SRGAP2: variants seen among roughly 807,000 people sequenced by gnomAD.
SRGAP2 encodes SLIT-ROBO Rho GTPase-activating protein 2.
In SRGAP2, 15 loss-of-function variants were observed where a neutral mutation model predicts 57.2. The ratio of observed to expected loss-of-function variants is 0.26; its 90% CI spans 0.18 to 0.40. SRGAP2 has a LOEUF of 0.40. Ranked by LOEUF, SRGAP2 falls within the 10% of genes least tolerant of loss-of-function variation. The pLI is 1.00. For missense variants in SRGAP2, 520 were observed against 669.6 expected (o/e 0.78, Z 2.47); for synonymous variants, 249 against 248.0 (o/e 1.00, Z -0.04).
At chr1:206,428,167 A>G (rs900179617) in intron 13 of SRGAP2, among the ~76,000 whole-genome samples, 2 of 152,182 alleles carry the variant, frequency 1.3e-5, no homozygotes, top group African/African-American at 2.4e-5. Context: ...CTGTAATCGC[A>G]GCACTTTGGG....
intron 3 of SRGAP2, among the ~76,000 whole-genome samples, chr1:206,314,110 T>G (rs1246197864): frequency 8.6e-5 from 13 of 150,414 alleles, no homozygotes; most frequent in African/African-American, 2.7e-4. Context: ...TTTTTGTTTT[T>G]TTTTTTTTGT....
At chr1:206,397,607 G>A (rs1423621554) in intron 7 of SRGAP2, among the ~76,000 whole-genome samples, 2 of 145,106 alleles carry the variant, frequency 1.4e-5, no homozygotes, top group Non-Finnish European at 3.0e-5. Context: ...AGGAATCCAC[G>A]TGAGGCATCT....
intron 2 of SRGAP2, among the ~76,000 whole-genome samples, chr1:206,276,963 CTCTT>C (rs1670448418): frequency 6.7e-6 from 1 of 149,630 alleles, no homozygotes; most frequent in African/African-American, 2.5e-5. Flanking sequence ...TCATCTATCA[CTCTT>C]TTTTTTTTTT....
At chr1:206,452,070 T>C (rs1553376156) in intron 19 of SRGAP2, among the ~76,000 whole-genome samples, 1 of 152,210 alleles carries the variant, frequency 6.6e-6, no homozygotes, top group Non-Finnish European at 1.5e-5. Context: ...ACGAAGATAA[T>C]GATAACAATA....
chr1:206,203,756 C>G (rs575824254), intron 1 of SRGAP2, 106 bp downstream of exon 1: 136 of 1,463,542 alleles, frequency 9.3e-5, no homozygotes, highest in Non-Finnish European at 1.1e-4. Flanking sequence ...GGATGCTGCT[C>G]GCGGCATCGC....
At chr1:206,395,032 G>A (rs1313025622) in intron 7 of SRGAP2, among the ~76,000 whole-genome samples, 4 of 147,288 alleles carry the variant, frequency 2.7e-5, no homozygotes, top group African/African-American at 2.5e-5. Context: ...ACTCTGGCCC[G>A]ACCACTCTTG....
Position 206,303,491 on chromosome 1 carries a change from A to G in SRGAP2, c.260+18A>G, listed in dbSNP as rs1671990590. 5 of 1,415,132 alleles carry G rather than the reference A, an allele frequency of 3.5e-6. No individual in the cohort carries two copies. In the Admixed American group the frequency reaches 1.1e-4, roughly 32 times the overall value. 87.7% of individuals were successfully genotyped at this position (1,415,132 alleles called of 1,614,324 possible). On this transcript the variant is annotated intron_variant, in intron 3 of 22. Coordinates refer to ENST00000573034, the MANE Select transcript of SRGAP2 (RefSeq NM_015326.5). ...CAATTCAAGTAGGGGCTCTGTGGCT[A>G]TTACTCTCTGAGACCTTGGAATATG... is the stretch of plus-strand genomic sequence containing the variant.
chr1:206,382,678 C>T lies in SRGAP2; in HGVS notation c.424-1336C>T, dbSNP rs549996830. Among the ~76,000 whole-genome samples the T allele has an allele frequency of 3.0e-4, 45 of 151,480 alleles. No homozygotes were observed. In the East Asian group the frequency reaches 8.7e-3, roughly 29 times the overall value. ...AATAAACATACATTACTTTTGTAATCAGAAAAAAAAGTATTTTTTAAGTAG... is the reference window on the plus strand; with the variant it reads ...AATAAACATACATTACTTTTGTAATTAGAAAAAAAAGTATTTTTTAAGTAG... On this transcript the variant is annotated intron_variant, in intron 4 of 22. Transcript: ENST00000573034.
At chr1:206,389,730 T>G (rs1287696473) in intron 5 of SRGAP2, among the ~76,000 whole-genome samples, 2 of 151,472 alleles carry the variant, frequency 1.3e-5, no homozygotes, top group Non-Finnish European at 2.9e-5. Context: ...TATTTTAGTG[T>G]GGCTGTCAGA....
At chr1:206,268,073 A>G (rs1245857972) in intron 2 of SRGAP2, among the ~76,000 whole-genome samples, 2 of 143,014 alleles carry the variant, frequency 1.4e-5, no homozygotes, top group Non-Finnish European at 3.0e-5. Context: ...CATGGACTAT[A>G]TATATATATT....
chr1:206,459,309 A>G (rs1664078099), intron 22 of SRGAP2, among the ~76,000 whole-genome samples: 1 of 151,576 alleles, frequency 6.6e-6, no homozygotes, highest in Non-Finnish European at 1.5e-5. Context: ...GTTGAGGATC[A>G]GGTGTAATCC....
intron 2 of SRGAP2, among the ~76,000 whole-genome samples, chr1:206,253,920 T>C (rs1157066270): frequency 6.9e-6 from 1 of 145,622 alleles, no homozygotes; most frequent in Non-Finnish European, 1.5e-5. Flanking sequence ...TCTGAGCTAA[T>C]TATGACTGCA....
At chr1:206,347,123 C>T (rs1171877150) in intron 4 of SRGAP2, among the ~76,000 whole-genome samples, 2 of 147,976 alleles carry the variant, frequency 1.4e-5, no homozygotes, top group African/African-American at 5.0e-5. Flanking sequence ...TGGTGGTACA[C>T]ACCTGTAGGC....
intron 10 of SRGAP2, among the ~76,000 whole-genome samples, chr1:206,414,712 T>A (rs1659531393): frequency 6.6e-6 from 1 of 152,212 alleles, no homozygotes; most frequent in East Asian, 1.9e-4. Context: ...ACACTACCAC[T>A]TGCTAGCTTG....
chr1:206,372,944 TTTC>T (rs1553342889), intron 4 of SRGAP2, among the ~76,000 whole-genome samples: 2 of 8,718 alleles, frequency 2.3e-4, no homozygotes, highest in Non-Finnish European at 3.4e-4. Flanking sequence ...TCTTTCTTTC[TTTC>T]TTTCTTTCTT....
At chr1:206,422,872 G>T (rs1553364894) in intron 13 of SRGAP2, among the ~76,000 whole-genome samples, 1 of 152,222 alleles carries the variant, frequency 6.6e-6, no homozygotes, top group Non-Finnish European at 1.5e-5. Context: ...TAAAGACCTT[G>T]TTTTCATTCT....
intron 4 of SRGAP2, among the ~76,000 whole-genome samples, chr1:206,354,515 A>C (rs552362786): frequency 6.6e-6 from 1 of 152,178 alleles, no homozygotes; most frequent in Non-Finnish European, 1.5e-5. Context: ...ACGACCAACT[A>C]TCCTGTTTGC....
chr1:206,247,587 C>T (rs1356372777), intron 2 of SRGAP2, among the ~76,000 whole-genome samples: 1 of 151,160 alleles, frequency 6.6e-6, no homozygotes, highest in East Asian at 1.9e-4. Context: ...ATCATTTGTT[C>T]TCCTTCACAT....
At chr1:206,334,602 G>C (rs1429939456) in intron 3 of SRGAP2, among the ~76,000 whole-genome samples, 1 of 152,126 alleles carries the variant, frequency 6.6e-6, no homozygotes, top group Non-Finnish European at 1.5e-5. Context: ...CAATTTGCTA[G>C]CCAGGAGGAG....
Sources: gnomAD v4.1 joint callset for allele counts (sites outside exome capture counted in the v4.1 genomes callset) on GRCh38, gnomAD v4.1.1 for gene constraint, MANE v1.5 for transcripts, NCBI Gene and HGNC (gene_info 2026-07-23, HGNC 2026-07-21) for gene names.